The following SCRG1 variants were observed in gnomAD, a reference collection of about 807,000 sequenced individuals.
SCRG1 encodes the protein scrapie-responsive protein 1.
In SCRG1, 3 loss-of-function variants were observed where a neutral mutation model predicts 7.7. The ratio of observed to expected loss-of-function variants is 0.39; its 90% CI spans 0.18 to 1.01. The LOEUF (loss-of-function observed/expected upper bound fraction) is 1.01, where lower values mean the gene tolerates loss of function less well. Among genes scored for constraint, SCRG1 ranks in the 50% least tolerant of loss-of-function variants. The probability of loss-of-function intolerance (pLI) is 0.36; values close to 1 mark genes in which losing one functional copy is unlikely to be tolerated. For missense variants in SCRG1, 110 were observed against 117.2 expected (o/e 0.94, Z 0.28); for synonymous variants, 46 against 41.2 (o/e 1.12, Z -0.44).
the SCRG1 span, among the ~76,000 whole-genome samples, chr4:173,416,911 A>ACACACACAC: frequency 5.6e-5 from 7 of 125,150 alleles, no homozygotes; most frequent in African/African-American, 2.3e-4. Flanking sequence ...CACACACCCA[A>ACACACACAC]ACACACACAC....
chr4:173,501,148 G>A, the SCRG1 span, among the ~76,000 whole-genome samples: 22 of 152,352 alleles, frequency 1.4e-4, no homozygotes, highest in Admixed American at 1.4e-3. This position sits in a 1 kb window ranked among gnomAD's most constrained non-coding sequence, Gnocchi z 5.1. Context: ...CAGGGTGTCC[G>A]AGCTCCCGCT....
chr4:173,497,152 T>G, the SCRG1 span, among the ~76,000 whole-genome samples: 2 of 152,072 alleles, frequency 1.3e-5, no homozygotes, highest in Non-Finnish European at 2.9e-5. Flanking sequence ...ATGGCAGAAC[T>G]TTTCCTACTA....
At chr4:173,494,395 C>T in the SCRG1 span, among the ~76,000 whole-genome samples, 1 of 152,164 alleles carries the variant, frequency 6.6e-6, no homozygotes, top group East Asian at 1.9e-4. Context: ...TTTAGGGTTG[C>T]CGTCATCCTG....
the SCRG1 span, among the ~76,000 whole-genome samples, chr4:173,483,991 TATG>T: frequency 1.6e-5 from 1 of 63,446 alleles, no homozygotes; most frequent in Non-Finnish European, 3.2e-5. Context: ...GTATATTATA[TATG>T]ATATATATTA....
intron 2 of SCRG1, among the ~76,000 whole-genome samples, chr4:173,389,261 G>A (rs1739338736): frequency 6.6e-6 from 1 of 151,942 alleles, no homozygotes; most frequent in Admixed American, 6.6e-5. Flanking sequence ...CCGGCCGGGC[G>A]CAGTGGTTCA....
At chr4:173,510,877 T>A in the SCRG1 span, among the ~76,000 whole-genome samples, 1 of 152,300 alleles carries the variant, frequency 6.6e-6, no homozygotes, top group African/African-American at 2.4e-5. The surrounding 1 kb of genome is among the most constrained non-coding windows in gnomAD (Gnocchi z 5.7). Context: ...CACGATTCCC[T>A]CTCCCTAGTA....
the SCRG1 span, among the ~76,000 whole-genome samples, chr4:173,501,463 C>T: frequency 6.6e-6 from 1 of 152,198 alleles, no homozygotes; most frequent in Admixed American, 6.5e-5. The surrounding 1 kb of genome is among the most constrained non-coding windows in gnomAD (Gnocchi z 5.1). Context: ...CTTCCCAGTG[C>T]GCCTGTGGTT....
chr4:173,416,489 G>A, the SCRG1 span, among the ~76,000 whole-genome samples: 1 of 152,228 alleles, frequency 6.6e-6, no homozygotes, highest in African/African-American at 2.4e-5. Flanking sequence ...GCGCGGTGGC[G>A]CGCCTGTGGT....
the SCRG1 span, among the ~76,000 whole-genome samples, chr4:173,470,538 A>G: frequency 6.6e-6 from 1 of 152,228 alleles, no homozygotes; most frequent in African/African-American, 2.4e-5. Flanking sequence ...AAATTGGATC[A>G]CTTCTCATTT....
chr4:173,442,635 G>A, the SCRG1 span, among the ~76,000 whole-genome samples: 1 of 152,176 alleles, frequency 6.6e-6, no homozygotes, highest in Non-Finnish European at 1.5e-5. Context: ...CACAGACTGA[G>A]TAATTTGTAA....
chr4:173,430,830 AAG>A, the SCRG1 span, among the ~76,000 whole-genome samples: 5 of 120,442 alleles, frequency 4.2e-5, no homozygotes, highest in African/African-American at 5.7e-5. Flanking sequence ...AAAAAAAAAA[AAG>A]AGAGAGAGAG....
chr4:173,406,071 C>A (rs6855195), intron 1 of SCRG1, among the ~76,000 whole-genome samples: 28 of 152,310 alleles, frequency 1.8e-4, no homozygotes, highest in African/African-American at 6.0e-4. Flanking sequence ...CTACAACAAC[C>A]TAAACATGAG....
chr4:173,517,383 G>A, the SCRG1 span, among the ~76,000 whole-genome samples: 1 of 152,224 alleles, frequency 6.6e-6, no homozygotes, highest in Non-Finnish European at 1.5e-5. Flanking sequence ...GGGGGCGAGC[G>A]GGAGTTTTGA....
chr4:173,446,479 TTAAATA>T, the SCRG1 span: 1 of 152,200 alleles, frequency 6.6e-6, no homozygotes, highest in African/African-American at 2.4e-5. Context: ...AATCTCAACT[TTAAATA>T]TATATATGTT....
the SCRG1 span, among the ~76,000 whole-genome samples, chr4:173,411,651 A>G: frequency 6.6e-6 from 1 of 152,230 alleles, no homozygotes; most frequent in Admixed American, 6.5e-5. Flanking sequence ...TCTTTAAACT[A>G]TGTATCATGA....
At chr4:173,412,720 C>T in the SCRG1 span, among the ~76,000 whole-genome samples, 2 of 152,186 alleles carry the variant, frequency 1.3e-5, no homozygotes, top group Admixed American at 6.5e-5. Context: ...ACTGCACATT[C>T]TGGCTCTTTG....
the SCRG1 span, among the ~76,000 whole-genome samples, chr4:173,498,845 G>A: frequency 6.6e-6 from 1 of 152,218 alleles, no homozygotes; most frequent in Non-Finnish European, 1.5e-5. Context: ...GCAGTGAGTT[G>A]ATGGCAAAGC....
the SCRG1 span, among the ~76,000 whole-genome samples, chr4:173,465,025 A>G: frequency 2.0e-5 from 3 of 152,222 alleles, no homozygotes; most frequent in African/African-American, 7.2e-5. Flanking sequence ...ACTTATATCA[A>G]GTACCTAGTA....
At chr4:173,398,046 C>G (rs529079972) in intron 1 of SCRG1, among the ~76,000 whole-genome samples, 11 of 152,292 alleles carry the variant, frequency 7.2e-5, no homozygotes, top group African/African-American at 2.6e-4. Flanking sequence ...ATGAAAATCA[C>G]TGTTTTTTTA....
Sources: allele counts gnomAD v4.1 joint callset (sites outside exome capture counted in the v4.1 genomes callset), GRCh38; gene constraint gnomAD v4.1.1; non-coding constraint Gnocchi (gnomAD v3.1); transcripts MANE v1.5; gene names NCBI Gene and HGNC (gene_info 2026-07-23, HGNC 2026-07-21).